Variants in AKAP3 observed in about 807,000 individuals in gnomAD.
AKAP3 encodes the protein A-kinase anchoring protein 3.
Under a neutral mutation model 57.2 loss-of-function variants are expected in AKAP3, and 27 were observed. The ratio of observed to expected loss-of-function variants is 0.47; its 90% CI spans 0.35 to 0.65. The LOEUF (loss-of-function observed/expected upper bound fraction) is 0.65. Among genes scored for constraint, AKAP3 ranks in the 30% least tolerant of loss-of-function variants. The pLI, the probability that AKAP3 is intolerant of heterozygous loss-of-function variation, is 0.01. For missense variants in AKAP3, 959 were observed against 1,040.0 expected (o/e 0.92, Z 1.07); for synonymous variants, 334 against 392.3 (o/e 0.85, Z 1.76).
intron 5 of AKAP3, among the ~76,000 whole-genome samples, chr12:4,623,932 T>C (rs1945376746): frequency 6.6e-6 from 1 of 152,196 alleles, no homozygotes; most frequent in Non-Finnish European, 1.5e-5. Context: ...ATAGTCCTCT[T>C]ACACTGTTTT....
chr12:4,636,008 T>C lies in AKAP3; in HGVS notation c.96+2093A>G, dbSNP rs772275046. On this transcript the variant is annotated intron_variant, in intron 4 of 5. Transcript: ENST00000228850. Reference sequence around the variant, plus strand: ...ACTTTGAGAGTTACCCCAATGGTACTCTCTTGAAATTCATGAAATGGGCCT... The same window carrying C: ...ACTTTGAGAGTTACCCCAATGGTACCCTCTTGAAATTCATGAAATGGGCCT... 9.9e-5 allele frequency: 148 copies of C among 1,487,752 alleles called. 1 individual carries two copies. Among genetic ancestry groups the C allele is most frequent in the Non-Finnish European group, 1.2e-4 (131 of 1,076,880 alleles). 92.2% of individuals were successfully genotyped at this position (1,487,752 alleles called of 1,614,324 possible).
intron 4 of AKAP3, chr12:4,635,982 C>A: frequency 7.9e-7 from 1 of 1,264,606 alleles, no homozygotes; most frequent in South Asian, 1.2e-5. Context: ...CAGCTTTTAT[C>A]ACTTTGAGAG....
In AKAP3 at chr12:4,649,040, G is replaced by T; in HGVS notation, c.-540C>A. 6.8e-7 allele frequency: 1 copy of T among 1,472,844 alleles called. No individual in the cohort carries two copies. Among genetic ancestry groups the T allele is most frequent in the Non-Finnish European group, 9.3e-7 (1 of 1,075,850 alleles). 91.2% of individuals were successfully genotyped at this position (1,472,844 alleles called of 1,614,324 possible). A position where few individuals can be genotyped will look rare whatever the true frequency, so the allele number is the denominator to read the frequency against. On this transcript the variant is annotated 5_prime_UTR_variant, in exon 1 of 6. Coordinates refer to ENST00000228850, the MANE Select transcript of AKAP3 (RefSeq NM_001278309.2). ...AACCGTCGTTTCTTGGTTAGCGCTT[G>T]CGCAGACAGGCGAGAAAGGTAAGTT...
At chr12:4,636,327 C>T (rs762573393) in intron 4 of AKAP3, among the ~76,000 whole-genome samples, 9 of 152,284 alleles carry the variant, frequency 5.9e-5, no homozygotes, top group East Asian at 5.8e-4. Flanking sequence ...GTGTCTATGG[C>T]GGTGGTGGTG....
chr12:4,630,579 AT>A (rs1565554933), intron 4 of AKAP3, among the ~76,000 whole-genome samples: 1 of 152,198 alleles, frequency 6.6e-6, no homozygotes, highest in Non-Finnish European at 1.5e-5. Flanking sequence ...ATTCTCCCAA[AT>A]GGTTCTCCTA....
At chr12:4,630,140 C>T (rs1389373204) in intron 4 of AKAP3, among the ~76,000 whole-genome samples, 2 of 152,104 alleles carry the variant, frequency 1.3e-5, no homozygotes, top group African/African-American at 2.4e-5. Flanking sequence ...CAGATATTAC[C>T]CACCTTTAAA....
rs955347750 is a variant in AKAP3 at position 4,646,604 on chromosome 12, G to A, written c.-244-1412C>T. Among the ~76,000 whole-genome samples the A allele has an allele frequency of 4.6e-5, 7 of 151,886 alleles. 1 individual carries two copies. Among genetic ancestry groups the A allele is most frequent in the Middle Eastern group, 6.8e-3 (2 of 294 alleles). On this transcript the variant is annotated intron_variant, in intron 1 of 5. Coordinates refer to ENST00000228850, the MANE Select transcript of AKAP3 (RefSeq NM_001278309.2). The stretch of plus-strand genomic sequence containing the variant: ...GGAGAATTGCTTGAACCTGGGAGGC[G>A]GAAGTTGCAGTGAGCAGAGATAGCA...
At chr12:4,623,873 T>A (rs1383894509) in intron 5 of AKAP3, among the ~76,000 whole-genome samples, 1 of 152,196 alleles carries the variant, frequency 6.6e-6, no homozygotes, top group African/African-American at 2.4e-5. Flanking sequence ...GTAAAGCAAC[T>A]TAGCAAATTA....
chr12:4,627,457 G>A lies in AKAP3; in HGVS notation c.1445C>T (p.Pro482Leu). Residue 482 changes from proline (P) to leucine (L), a missense_variant, in exon 5 of 6, where the codon CCC becomes CTC. Coordinates refer to ENST00000228850, the MANE Select transcript of AKAP3 (RefSeq NM_001278309.2). ...LGFQHAAFEA[P>L]NTQRKPASDI... Reference sequence around the variant, plus strand: ...TGATGCAGGCTTACGCTGTGTGTTGGGAGCTTCAAATGCTGCATGCTGGAA... The same window carrying A: ...TGATGCAGGCTTACGCTGTGTGTTGAGAGCTTCAAATGCTGCATGCTGGAA... The A allele has an allele frequency of 1.9e-6, 3 of 1,614,024 alleles. No individual in the cohort carries two copies.
intron 4 of AKAP3, among the ~76,000 whole-genome samples, chr12:4,629,216 A>G (rs982765276): frequency 3.3e-5 from 5 of 152,164 alleles, no homozygotes; most frequent in African/African-American, 1.2e-4. Context: ...TATCTTTAAG[A>G]TTGGATAGTC....
intron 3 of AKAP3, among the ~76,000 whole-genome samples, chr12:4,638,585 T>C (rs1945595248): frequency 6.6e-6 from 1 of 152,226 alleles, no homozygotes; most frequent in Non-Finnish European, 1.5e-5. Flanking sequence ...ATAGAATTAA[T>C]TTACTGCTCC....
rs1431796833 is a variant in AKAP3, at chr12:4,631,329, A to G, written c.97-2524T>C. The G allele has an allele frequency of 5.7e-6, 4 of 701,802 alleles. No homozygotes were observed. In the East Asian group the frequency reaches 1.1e-4, roughly 19 times the overall value. The allele number at this position is 701,802 out of a possible 1,614,324, so 43.5% of individuals were successfully genotyped here. On this transcript the variant is annotated intron_variant, in intron 4 of 5. Coordinates refer to ENST00000228850, the MANE Select transcript of AKAP3 (RefSeq NM_001278309.2). ...TTTTTTGTCCATCTTAAGCTCACCA[A>G]CTAAGACGTTTGTGCTCACATGGAA... is the stretch of plus-strand genomic sequence containing the variant.
intron 4 of AKAP3, among the ~76,000 whole-genome samples, chr12:4,629,129 C>A (rs1358267879): frequency 6.6e-6 from 1 of 152,170 alleles, no homozygotes; most frequent in Non-Finnish European, 1.5e-5. Context: ...ATTGATGGAG[C>A]AGAAATTCCA....
chr12:4,624,809 G>GGTGTGT (rs1555126704), intron 5 of AKAP3, among the ~76,000 whole-genome samples: 1 of 87,868 alleles, frequency 1.1e-5, no homozygotes, highest in South Asian at 3.4e-4. Flanking sequence ...AGTAGACAAA[G>GGTGTGT]GTGTGTGTGT....
In AKAP3 at chr12:4,628,560, T is replaced by G. The variant is rs770206101; in HGVS notation, c.342A>C (p.Gln114His). 3 of 1,614,208 alleles carry G rather than the reference T, an allele frequency of 1.9e-6. No homozygotes were observed. Among genetic ancestry groups the G allele is most frequent in the Admixed American group, 1.7e-5 (1 of 60,026 alleles). ...CATCTACTGAACTCCCGTTGCCAAG[T>G]TGGGCCCTGGGGCCCTGGCAAGGAA... ...KEIPCQGPRA[Q>H]LGNGSSVDEV... The change falls in exon 5 of 6, where the codon CAA becomes CAC. Residue 114 changes from glutamine to histidine, a missense_variant. Physicochemically the swap from Gln to His is conservative, Grantham distance 24. Coordinates refer to ENST00000228850, the MANE Select transcript of AKAP3 (RefSeq NM_001278309.2).
chr12:4,628,103 T>C lies in AKAP3; in HGVS notation c.799A>G (p.Arg267Gly). Reference sequence around the variant, plus strand: ...TCAGGCCTTTCCTGCCCTCGAAACCTCTTTCTCTCCCGAGGAAAGAACCTT... The same window carrying C: ...TCAGGCCTTTCCTGCCCTCGAAACCCCTTTCTCTCCCGAGGAAAGAACCTT... ...GGRFFPRERK[R>G]FRGQERPDDF... is the part of the protein sequence containing the mutation. Residue 267 changes from arginine to glycine, a missense_variant, in exon 5 of 6, where the codon AGG becomes GGG. Arg to Gly is a moderately radical substitution (Grantham distance 125, BLOSUM62 -2). Coordinates refer to ENST00000228850, the MANE Select transcript of AKAP3 (RefSeq NM_001278309.2). The C allele has an allele frequency of 6.2e-7, 1 of 1,614,138 alleles. No individual in the cohort carries two copies. Among genetic ancestry groups the C allele is most frequent in the Non-Finnish European group, 8.5e-7 (1 of 1,180,018 alleles).
At chr12:4,644,293 A>C (rs1945672199) in intron 2 of AKAP3, among the ~76,000 whole-genome samples, 1 of 152,220 alleles carries the variant, frequency 6.6e-6, no homozygotes, top group African/African-American at 2.4e-5. Flanking sequence ...CCAAGACTTC[A>C]GAAATAACAG....
chr12:4,646,440 G>A (rs1464277758), intron 1 of AKAP3, among the ~76,000 whole-genome samples: 1 of 152,120 alleles, frequency 6.6e-6, no homozygotes, highest in African/African-American at 2.4e-5. Flanking sequence ...GGAGGCTGAG[G>A]CAGGCGGATC....
intron 1 of AKAP3, among the ~76,000 whole-genome samples, chr12:4,646,411 C>T (rs1945698986): frequency 6.6e-6 from 1 of 152,118 alleles, no homozygotes; most frequent in African/African-American, 2.4e-5. Context: ...TGGCTCACGT[C>T]TGTAATGCCA....
Sources: gnomAD v4.1 joint callset for allele counts (sites outside exome capture counted in the v4.1 genomes callset) on GRCh38, gnomAD v4.1.1 for gene constraint, MANE v1.5 for transcripts, NCBI Gene and HGNC (gene_info 2026-07-23, HGNC 2026-07-21) for gene names.